Variants in GNAI1 observed in about 807,000 individuals in gnomAD.
GNAI1 encodes G protein subunit alpha i1.
In GNAI1, 11 loss-of-function variants were observed where a neutral mutation model predicts 38.9. That is an observed-to-expected ratio of 0.28 (90% CI 0.18 to 0.47). The LOEUF (loss-of-function observed/expected upper bound fraction) is 0.47. Ranked by LOEUF, GNAI1 falls within the 20% of genes least tolerant of loss-of-function variation. The probability of loss-of-function intolerance (pLI) is 0.99; values close to 1 mark genes in which losing one functional copy is unlikely to be tolerated. For missense variants in GNAI1, 317 were observed against 436.9 expected, an observed-to-expected ratio of 0.73 and a Z score of 2.45; for synonymous variants, 166 against 145.1, an observed-to-expected ratio of 1.14 and a Z score of -1.04.
intron 1 of GNAI1, among the ~76,000 whole-genome samples, chr7:80,147,376 A>T (rs996591779): frequency 8.1e-6 from 1 of 122,832 alleles, no homozygotes; most frequent in African/African-American, 2.7e-5. Context: ...ATCCTTATTA[A>T]AAAAAAAAAA....
At position 80,220,257 on chromosome 7, in the gene GNAI1, T is replaced by TA. The variant is rs1275970050; in HGVS notation, c.*2765dup. On this transcript the variant is annotated 3_prime_UTR_variant, in exon 8 of 8. Coordinates refer to ENST00000649796, the MANE Select transcript of GNAI1 (RefSeq NM_002069.6). ...TATTACTTACTACATGTGATATGCT[T>TA]AGAGCAGTGCCTACAATGTGGGAAG... Among the ~76,000 whole-genome samples, 2 of 152,204 alleles carry TA rather than the reference T, an allele frequency of 1.3e-5. No homozygotes were observed. Among genetic ancestry groups the TA allele is most frequent in the Non-Finnish European group, 2.9e-5 (2 of 68,042 alleles).
At chr7:80,197,036 T>G (rs536864112) in intron 3 of GNAI1, among the ~76,000 whole-genome samples, 92 of 152,058 alleles carry the variant, frequency 6.1e-4, no homozygotes, top group African/African-American at 2.1e-3. Context: ...GGTCATCCCA[T>G]GTATCTGCTA....
At chr7:80,158,502 A>G (rs1232020992) in intron 1 of GNAI1, among the ~76,000 whole-genome samples, 1 of 152,054 alleles carries the variant, frequency 6.6e-6, no homozygotes, top group Non-Finnish European at 1.5e-5. Context: ...TGTTCTTACG[A>G]TCGTGATTTC....
At chr7:80,212,020 A>G (rs1349778489) in intron 6 of GNAI1, among the ~76,000 whole-genome samples, 1 of 152,162 alleles carries the variant, frequency 6.6e-6, no homozygotes, top group African/African-American at 2.4e-5. Context: ...TGGGTTCCAC[A>G]GAACTGCCTG....
At chr7:80,191,277 C>T (rs1447467670) in intron 3 of GNAI1, among the ~76,000 whole-genome samples, 1 of 151,840 alleles carries the variant, frequency 6.6e-6, no homozygotes, top group African/African-American at 2.4e-5. Flanking sequence ...TTAAACGTGG[C>T]CTGGACACGA....
At chr7:80,173,956 T>C (rs1788139798) in intron 1 of GNAI1, among the ~76,000 whole-genome samples, 1 of 152,116 alleles carries the variant, frequency 6.6e-6, no homozygotes, top group African/African-American at 2.4e-5. Context: ...AAATGTGGTG[T>C]GGTCATTTTT....
In GNAI1 at chr7:80,149,281, G is replaced by A. The variant is rs541149943; in HGVS notation, c.118+14003G>A. Among the ~76,000 whole-genome samples the A allele has an allele frequency of 7.9e-5, 12 of 151,892 alleles. No homozygotes were observed. The East Asian group carries it at 1.7e-3, about 22-fold the overall frequency. The stretch of plus-strand genomic sequence containing the variant: ...CACACTAATGTTGATAATTGATGTC[G>A]CCTACATTTACAGTCATGTACTATG... On this transcript the variant is annotated intron_variant, in intron 1 of 7. Coordinates refer to ENST00000649796, the MANE Select transcript of GNAI1 (RefSeq NM_002069.6).
intron 1 of GNAI1, among the ~76,000 whole-genome samples, chr7:80,178,088 G>A (rs1788222224): frequency 1.3e-5 from 2 of 152,226 alleles, no homozygotes. Flanking sequence ...TGGGACTTCA[G>A]TAGAGGAAGA....
In GNAI1 at chr7:80,217,616, C is replaced by T. The variant is rs1018172137; in HGVS notation, c.*123C>T. On this transcript the variant is annotated 3_prime_UTR_variant, in exon 8 of 8. Coordinates refer to ENST00000649796, the MANE Select transcript of GNAI1 (RefSeq NM_002069.6). ...TAAGGCAAATGCATCTGGGACTTGA[C>T]CAAAGTTGTTCTGTTTTGTTTTTTT... 7.9e-6 allele frequency: 4 copies of T among 504,636 alleles called. No homozygotes were observed. The highest frequency in any genetic ancestry group is 5.9e-5 in the African/African-American group (3 of 50,570). The allele number at this position is 504,636 out of a possible 1,614,324, so 31.3% of individuals were successfully genotyped here.
rs1353387843 is a variant in GNAI1 at position 80,224,958 on chromosome 7, CTTTA to C, written c.*7469_*7472del. Among the ~76,000 whole-genome samples the C allele has an allele frequency of 6.6e-6, 1 of 152,024 alleles. No homozygotes were observed. The highest frequency in any genetic ancestry group is 1.5e-5 in the Non-Finnish European group (1 of 68,000). Reference sequence around the variant, plus strand: ...ATATTTGTATTTGGGAAATGAAATGCTTTATTTTTCTTCCACAACAACTCTATTT... The same window carrying C: ...ATATTTGTATTTGGGAAATGAAATGCTTTTTCTTCCACAACAACTCTATTT... On this transcript the variant is annotated 3_prime_UTR_variant, in exon 8 of 8. Coordinates refer to ENST00000649796, the MANE Select transcript of GNAI1 (RefSeq NM_002069.6).
intron 1 of GNAI1, among the ~76,000 whole-genome samples, chr7:80,163,333 C>G (rs1373869812): frequency 1.3e-5 from 2 of 152,148 alleles, no homozygotes; most frequent in African/African-American, 4.8e-5. Flanking sequence ...ACCTGTTTAC[C>G]AAATGCAGGT....
rs9641782 is a variant in GNAI1, at chr7:80,223,079, A to G, written c.*5586A>G. On this transcript the variant is annotated 3_prime_UTR_variant, in exon 8 of 8. Transcript: ENST00000649796. ...GATTGATTGCATGGGTACTTGAAATATGGTTTCTAACTGAATGCATACCAG... is the reference window on the plus strand; with the variant it reads ...GATTGATTGCATGGGTACTTGAAATGTGGTTTCTAACTGAATGCATACCAG... Among the ~76,000 whole-genome samples the G allele has an allele frequency of 0.25, 37,689 of 152,048 alleles. 4,954 individuals are homozygous for G. The highest frequency in any genetic ancestry group is 0.32 in the African/African-American group (13,270 of 41,468).
intron 1 of GNAI1, among the ~76,000 whole-genome samples, chr7:80,185,379 G>A (rs762087839): frequency 6.6e-5 from 10 of 152,104 alleles, no homozygotes; most frequent in Non-Finnish European, 1.3e-4. Flanking sequence ...TGAGGCTTTT[G>A]TTTAAGAATT....
chr7:80,216,410 G>T (rs890813887), intron 7 of GNAI1, among the ~76,000 whole-genome samples: 3 of 151,986 alleles, frequency 2.0e-5, no homozygotes, highest in Admixed American at 1.3e-4. Context: ...CTTAATAAAA[G>T]AAAGAACACA....
intron 5 of GNAI1, among the ~76,000 whole-genome samples, chr7:80,204,272 G>A (rs1788735757): frequency 6.6e-6 from 1 of 151,858 alleles, no homozygotes; most frequent in African/African-American, 2.4e-5. Context: ...TTTCTTCATA[G>A]GGAACTTACC....
Position 80,143,958 on chromosome 7 carries a change from G to A in GNAI1, c.118+8680G>A, listed in dbSNP as rs190774594. Among the ~76,000 whole-genome samples, 84 of 151,836 alleles carry A rather than the reference G, an allele frequency of 5.5e-4. 2 individuals carry two copies. Among genetic ancestry groups the A allele is most frequent in the Admixed American group, 5.5e-3 (83 of 15,228 alleles). ...TGTATCTATATGTGTGCATATATGT[G>A]TGTGTGTGTATATATATAGTGAAGA... On this transcript the variant is annotated intron_variant, in intron 1 of 7. Coordinates refer to ENST00000649796, the MANE Select transcript of GNAI1 (RefSeq NM_002069.6).
At chr7:80,161,758 A>G (rs1475316379) in intron 1 of GNAI1, among the ~76,000 whole-genome samples, 1 of 152,152 alleles carries the variant, frequency 6.6e-6, no homozygotes, top group African/African-American at 2.4e-5. Flanking sequence ...TTGAGTCCAA[A>G]GAGATTTTTT....
At chr7:80,177,432 A>G (rs1788205344) in intron 1 of GNAI1, among the ~76,000 whole-genome samples, 1 of 152,148 alleles carries the variant, frequency 6.6e-6, no homozygotes, top group Admixed American at 6.5e-5. Flanking sequence ...CTGCTCTTTC[A>G]CAATGCACCG....
chr7:80,191,653 A>C (rs1236152181), intron 3 of GNAI1, among the ~76,000 whole-genome samples: 6 of 152,112 alleles, frequency 3.9e-5, no homozygotes, highest in Admixed American at 3.9e-4. Flanking sequence ...CGGCCTCCCA[A>C]AGTGCTAGGA....
Sources: gnomAD v4.1 joint callset for allele counts (sites outside exome capture counted in the v4.1 genomes callset) on GRCh38, gnomAD v4.1.1 for gene constraint, MANE v1.5 for transcripts, NCBI Gene and HGNC (gene_info 2026-07-23, HGNC 2026-07-21) for gene names.